The following BAZ2B variants were observed in gnomAD, a reference collection of about 807,000 sequenced individuals.
BAZ2B encodes the protein bromodomain adjacent to zinc finger domain 2B.
BAZ2B carries 91 observed loss-of-function variants against 246.0 expected under a neutral mutation model. The observed-to-expected ratio is 0.37, with a 90% confidence interval of 0.31 to 0.44. The LOEUF is 0.44. Ranked by LOEUF, BAZ2B falls within the 20% of genes least tolerant of loss-of-function variation. The pLI is 1.00. For synonymous variants in BAZ2B, 855 were observed against 860.0 expected (o/e 0.99, Z 0.10); for missense variants, 2,332 against 2,533.7 (o/e 0.92, Z 1.71).
chr2:159,656,380 T>G, the BAZ2B span, among the ~76,000 whole-genome samples: 1 of 152,146 alleles, frequency 6.6e-6, no homozygotes, highest in Non-Finnish European at 1.5e-5. Flanking sequence ...TGTTTTCTGT[T>G]GCTTTGCATG....
Position 159,400,641 on chromosome 2 carries a change from T to A in BAZ2B, c.2856A>T (p.Gln952His), listed in dbSNP as rs775971610. 1.3e-6 allele frequency: 2 copies of A among 1,577,426 alleles called. No homozygotes were observed. The highest frequency in any genetic ancestry group is 1.1e-5 in the South Asian group (1 of 87,928). Residue 952 changes from glutamine (Q) to histidine (H), a missense_variant, in exon 17 of 37, where the codon CAA (glutamine) becomes CAT (histidine). Physicochemically the swap from Gln to His is conservative, Grantham distance 24. Around this residue, in one of 9 missense-constraint regions of BAZ2B, gnomAD observed 651 missense variants for 650.9 expected, o/e 1.00. Coordinates refer to ENST00000392783, the MANE Select transcript of BAZ2B (RefSeq NM_013450.4). ...CTCGAAGTTCTTTTTCCATTCTGAT[T>A]TGCTGTATTCTCTTAATTTTTTCCT... ...KQQEKIKRIQ[Q>H]IRMEKELRAQ...
At chr2:159,396,847 G>C (rs2149687004) in intron 19 of BAZ2B, among the ~76,000 whole-genome samples, 1 of 152,146 alleles carries the variant, frequency 6.6e-6, no homozygotes, top group South Asian at 2.1e-4. Context: ...AATTTTTAGA[G>C]AGCAGCCTTA....
At chr2:159,420,216 T>C (rs2068489192) in intron 13 of BAZ2B, among the ~76,000 whole-genome samples, 1 of 152,226 alleles carries the variant, frequency 6.6e-6, no homozygotes, top group African/African-American at 2.4e-5. Flanking sequence ...CACAATTTGC[T>C]CTATGGGAAA....
intron 1 of BAZ2B, among the ~76,000 whole-genome samples, chr2:159,581,935 G>C (rs973578049): frequency 9.6e-6 from 1 of 103,854 alleles, no homozygotes; most frequent in Non-Finnish European, 1.8e-5. Flanking sequence ...GGGGGGAGGG[G>C]GGAGGGATAG....
chr2:159,318,927 C>T (rs1305625552), downstream of BAZ2B: 4 of 152,260 alleles, frequency 2.6e-5, no homozygotes, highest in Non-Finnish European at 5.9e-5. Context: ...TTTAAATTAA[C>T]TGGCTTTTAA....
In BAZ2B at chr2:159,333,650, A is replaced by G. The variant is rs574959428; in HGVS notation, c.5797-964T>C. On this transcript the variant is annotated intron_variant, in intron 33 of 36. Transcript: ENST00000392783. ...AAACATGTAACCAGAAATCATTTAA[A>G]CTACTTTAAAGTTAGGTATTTATAC... Among the ~76,000 whole-genome samples, 122 of 152,284 alleles carry G rather than the reference A, an allele frequency of 8.0e-4. 1 individual carries two copies. The highest frequency in any genetic ancestry group is 3.8e-4 in the Non-Finnish European group (26 of 67,984).
chr2:159,519,421 G>A (rs2083863421), intron 2 of BAZ2B, among the ~76,000 whole-genome samples: 1 of 145,704 alleles, frequency 6.9e-6, no homozygotes, highest in African/African-American at 2.5e-5. Flanking sequence ...TAGTAGAGAC[G>A]GGGTTTCACC....
intron 31 of BAZ2B, among the ~76,000 whole-genome samples, chr2:159,343,047 T>C (rs1401408548): frequency 1.3e-5 from 2 of 152,186 alleles, no homozygotes; most frequent in Non-Finnish European, 2.9e-5. Flanking sequence ...CAGAACAGCA[T>C]GGTACAGGCA....
chr2:159,567,934 T>C (rs999489200), intron 1 of BAZ2B, among the ~76,000 whole-genome samples: 4 of 152,176 alleles, frequency 2.6e-5, no homozygotes, highest in Admixed American at 2.6e-4. Context: ...ATTGTGCCAC[T>C]GCACTCCAGC....
chr2:159,426,787 G>A (rs2069998641), intron 13 of BAZ2B, among the ~76,000 whole-genome samples: 1 of 152,046 alleles, frequency 6.6e-6, no homozygotes, highest in Non-Finnish European at 1.5e-5. Flanking sequence ...ATTCCTTTAA[G>A]CTTCCAAACT....
intron 3 of BAZ2B, among the ~76,000 whole-genome samples, chr2:159,455,428 T>C (rs2075611453): frequency 6.6e-6 from 1 of 152,152 alleles, no homozygotes; most frequent in Non-Finnish European, 1.5e-5. Flanking sequence ...GTATGTTTTG[T>C]ATCAGGCTAT....
intron 14 of BAZ2B, 102 bp downstream of exon 14, chr2:159,412,233 T>C: frequency 8.2e-7 from 1 of 1,217,494 alleles, no homozygotes. Context: ...ATTTACTTTT[T>C]AAAAATTGAG....
chr2:159,575,541 C>G (rs1685095198), intron 1 of BAZ2B, among the ~76,000 whole-genome samples: 1 of 152,088 alleles, frequency 6.6e-6, no homozygotes, highest in African/African-American at 2.4e-5. Context: ...CCCAAATGAT[C>G]CAAATGAAAT....
chr2:159,546,224 A>C (rs895663082), intron 2 of BAZ2B, among the ~76,000 whole-genome samples: 1 of 152,026 alleles, frequency 6.6e-6, no homozygotes, highest in Non-Finnish European at 1.5e-5. Context: ...ACCCAGTGGG[A>C]GGTGACTGAA....
At chr2:159,668,167 A>G in the BAZ2B span, among the ~76,000 whole-genome samples, 3 of 152,192 alleles carry the variant, frequency 2.0e-5, no homozygotes, top group Non-Finnish European at 1.5e-5. Flanking sequence ...GTTTGCTACT[A>G]GTATATAAAA....
At chr2:159,324,979 A>T in intron 35 of BAZ2B, 25 bp from the exon 36 acceptor site, 1 of 1,472,226 alleles carries the variant, frequency 6.8e-7, no homozygotes, top group Non-Finnish European at 8.9e-7. Context: ...GTTTGAAATC[A>T]GTATCCATAC....
intron 32 of BAZ2B, 198 bp downstream of exon 32, chr2:159,337,369 A>G: frequency 7.5e-7 from 1 of 1,340,320 alleles, no homozygotes; most frequent in South Asian, 1.4e-5. Context: ...GATCACAGAC[A>G]TACAAGAAGA....
intron 27 of BAZ2B, among the ~76,000 whole-genome samples, chr2:159,357,978 A>C (rs1054904669): frequency 2.6e-5 from 4 of 152,206 alleles, no homozygotes; most frequent in Admixed American, 2.0e-4. Context: ...CTAAACATAG[A>C]AAGGAAATAC....
intron 1 of BAZ2B, among the ~76,000 whole-genome samples, chr2:159,559,999 T>C (rs1367817939): frequency 1.3e-5 from 2 of 152,316 alleles, no homozygotes; most frequent in African/African-American, 4.8e-5. Context: ...GGGAAAAGAA[T>C]TTTAAGTCAT....
Sources: allele counts gnomAD v4.1 joint callset (sites outside exome capture counted in the v4.1 genomes callset), GRCh38; gene constraint gnomAD v4.1.1; regional missense constraint gnomAD v4.1.1; transcripts MANE v1.5; gene names NCBI Gene and HGNC (gene_info 2026-07-23, HGNC 2026-07-21).